SF3B3: variants seen among roughly 807,000 people sequenced by gnomAD.
The protein encoded by SF3B3 is SAP 130.
A neutral mutation model predicts 139.2 loss-of-function variants in SF3B3; 33 were observed. The ratio of observed to expected loss-of-function variants is 0.24; its 90% CI spans 0.18 to 0.32. The LOEUF (loss-of-function observed/expected upper bound fraction) is 0.32, where lower values mean the gene tolerates loss of function less well. SF3B3 is among the 10% of genes least tolerant of loss of function. The probability of loss-of-function intolerance (pLI) is 1.00; values close to 1 mark genes in which losing one functional copy is unlikely to be tolerated. For missense variants in SF3B3, 818 were observed against 1,509.4 expected, an observed-to-expected ratio of 0.54 and a Z score of 7.59; for synonymous variants, 596 against 563.6, an observed-to-expected ratio of 1.06 and a Z score of -0.81.
At chr16:70,526,864 G>C (rs1373115214) in intron 2 of SF3B3, 138 bp downstream of exon 2, 1 of 644,826 alleles carries the variant, frequency 1.6e-6, no homozygotes, top group Non-Finnish European at 2.7e-6. Flanking sequence ...TATGAGATGA[G>C]GTGTTAAGTT....
intron 11 of SF3B3, among the ~76,000 whole-genome samples, chr16:70,552,377 A>G (rs549712649): frequency 6.6e-6 from 1 of 152,362 alleles, no homozygotes; most frequent in South Asian, 2.1e-4. Context: ...TTCCAGTACA[A>G]AAACTGAGAA....
In SF3B3 at chr16:70,571,765, C is replaced by T. The variant is rs777726874; in HGVS notation, c.3606C>T (p.Pro1202=). 6.2e-6 allele frequency: 10 copies of T among 1,614,128 alleles called. No individual in the cohort carries two copies. The highest frequency in any genetic ancestry group is 1.6e-4 in the Middle Eastern group (1 of 6,062). Reference sequence around the variant, plus strand: ...CTGAAGAACTGGACCGAACCCCACCCGAAGTGTCCAAGAAACTCGAGGATA... The same window carrying T: ...CTGAAGAACTGGACCGAACCCCACCTGAAGTGTCCAAGAAACTCGAGGATA... ...NVSEELDRTP[P]EVSKKLEDIR... Residue 1202 remains proline (P), a synonymous_variant, in exon 26 of 26, where the codon CCC becomes CCT. Transcript: ENST00000302516.
At chr16:70,537,630 C>A (rs922290223) in intron 6 of SF3B3, among the ~76,000 whole-genome samples, 5 of 152,172 alleles carry the variant, frequency 3.3e-5, no homozygotes, top group African/African-American at 1.2e-4. Flanking sequence ...AAGTTAAATT[C>A]TTCTTGTTAA....
chr16:70,531,983 A>G (rs2050125701), intron 4 of SF3B3, among the ~76,000 whole-genome samples: 2 of 152,170 alleles, frequency 1.3e-5, no homozygotes, highest in South Asian at 4.1e-4. Context: ...CAGGAATTCT[A>G]GGCTGCAGTG....
intron 8 of SF3B3, among the ~76,000 whole-genome samples, chr16:70,539,959 A>G (rs921288947): frequency 7.3e-5 from 11 of 151,444 alleles, no homozygotes. Flanking sequence ...TACTTTTAGT[A>G]GAGACAGGGT....
At chr16:70,539,701 C>A (rs1259473495) in intron 8 of SF3B3, among the ~76,000 whole-genome samples, 1 of 152,104 alleles carries the variant, frequency 6.6e-6, no homozygotes, top group Admixed American at 6.5e-5. Context: ...TCGGGCAGTA[C>A]CTCTGTAGGT....
rs566646140 is a variant in SF3B3, at chr16:70,548,647, A to C, written c.1402+205A>C. The C allele has an allele frequency of 6.1e-4, 337 of 549,716 alleles. 3 individuals are homozygous for C. In the South Asian group the frequency reaches 6.6e-3, roughly 11 times the overall value. The allele number at this position is 549,716 out of a possible 1,614,324, so 34.1% of individuals were successfully genotyped here. A position where few individuals can be genotyped will look rare whatever the true frequency, so the allele number is the denominator to read the frequency against. On this transcript the variant is annotated intron_variant, in intron 11 of 25. Coordinates refer to ENST00000302516, the MANE Select transcript of SF3B3 (RefSeq NM_012426.5). ...TTTTTGTGCAGGTGGGAAAGGGGGA[A>C]CATAGGTTGGCTGTTATATTTTAGT...
At chr16:70,559,304 C>G (rs974137550) in intron 15 of SF3B3, among the ~76,000 whole-genome samples, 4 of 152,138 alleles carry the variant, frequency 2.6e-5, no homozygotes, top group African/African-American at 9.6e-5. Flanking sequence ...TAATTTTTTT[C>G]CCATTGTTCA....
At chr16:70,533,399 C>T (rs1009666217) in intron 5 of SF3B3, among the ~76,000 whole-genome samples, 26 of 152,048 alleles carry the variant, frequency 1.7e-4, no homozygotes, top group Admixed American at 9.2e-4. Context: ...GCTACTGTGC[C>T]GCTCTCTGAG....
intron 8 of SF3B3, among the ~76,000 whole-genome samples, chr16:70,541,438 G>A (rs1057189694): frequency 3.9e-5 from 6 of 152,106 alleles, no homozygotes; most frequent in African/African-American, 1.4e-4. Flanking sequence ...CAGTTTATCT[G>A]TATTTTCTTT....
At chr16:70,567,088 C>G (rs1490625778) in intron 20 of SF3B3, among the ~76,000 whole-genome samples, 1 of 151,578 alleles carries the variant, frequency 6.6e-6, no homozygotes, top group Non-Finnish European at 1.5e-5. Flanking sequence ...ACTAGCATTT[C>G]TTTCCTGTCC....
chr16:70,548,119 G>C (rs1449532953), intron 10 of SF3B3, among the ~76,000 whole-genome samples: 1 of 152,112 alleles, frequency 6.6e-6, no homozygotes, highest in African/African-American at 2.4e-5. Context: ...GAAGGAAAGG[G>C]GTATGGTTTT....
At chr16:70,537,520 A>G (rs865794929) in intron 6 of SF3B3, among the ~76,000 whole-genome samples, 4 of 152,148 alleles carry the variant, frequency 2.6e-5, no homozygotes, top group Non-Finnish European at 5.9e-5. Context: ...TTGCTGTTAA[A>G]TATTTATCTG....
intron 6 of SF3B3, among the ~76,000 whole-genome samples, chr16:70,537,349 G>A (rs1555499557): frequency 6.6e-6 from 1 of 152,110 alleles, no homozygotes; most frequent in Non-Finnish European, 1.5e-5. Flanking sequence ...TTTGGTAACT[G>A]ATAATGGAAT....
intron 20 of SF3B3, among the ~76,000 whole-genome samples, chr16:70,566,555 C>G (rs979577880): frequency 6.6e-6 from 1 of 151,896 alleles, no homozygotes; most frequent in African/African-American, 2.4e-5. Context: ...GAGCGAGACT[C>G]TGTCTCAAAA....
chr16:70,565,993 T>C (rs886557987), intron 20 of SF3B3, among the ~76,000 whole-genome samples: 4 of 151,952 alleles, frequency 2.6e-5, no homozygotes, highest in Non-Finnish European at 5.9e-5. Context: ...GGCACGCACC[T>C]GTAATCCCAG....
intron 8 of SF3B3, 107 bp from the exon 9 acceptor site, chr16:70,541,562 A>G (rs995424265): frequency 2.3e-5 from 20 of 876,640 alleles, no homozygotes; most frequent in Admixed American, 1.6e-4. Flanking sequence ...AATAATAACA[A>G]TAGTATCTTA....
chr16:70,568,588 A>G (rs12597401), intron 22 of SF3B3, 93 bp downstream of exon 22: 404,547 of 941,842 alleles, frequency 0.43, 90,617 homozygotes, highest in South Asian at 0.65. Context: ...CAAATCTGAG[A>G]AGTAAAAATG....
chr16:70,546,271 A>G (rs915154229), intron 10 of SF3B3, among the ~76,000 whole-genome samples: 3 of 152,216 alleles, frequency 2.0e-5, no homozygotes, highest in African/African-American at 7.2e-5. Flanking sequence ...GCGCCTGGCC[A>G]AGAGCCATTG....
Sources: gnomAD v4.1 joint callset for allele counts (sites outside exome capture counted in the v4.1 genomes callset) on GRCh38, gnomAD v4.1.1 for gene constraint, MANE v1.5 for transcripts, NCBI Gene and HGNC (gene_info 2026-07-23, HGNC 2026-07-21) for gene names.